SP4: variants seen among roughly 807,000 people sequenced by gnomAD.
SP4 encodes Sp4 transcription factor, also known as transcription factor Sp4.
SP4 carries 19 observed loss-of-function variants against 72.8 expected under a neutral mutation model. That is an observed-to-expected ratio of 0.26 (90% CI 0.18 to 0.38). The LOEUF is 0.38. Ranked by LOEUF, SP4 falls within the 10% of genes least tolerant of loss-of-function variation. The pLI is 1.00. For synonymous variants in SP4, 395 were observed against 333.1 expected, an observed-to-expected ratio of 1.19 and a Z score of -2.02; for missense variants, 1,008 against 926.3, an observed-to-expected ratio of 1.09 and a Z score of -1.14.
chr7:21,429,344 C>T lies in SP4; in HGVS notation c.179C>T (p.Thr60Ile). ...GCAGCTACTTGCAGCAAAATAGGGA[C>T]TCCTGGTGAAAATCAAGCAACTGGA... ...LLAATCSKIG[T>I]PGENQATGQQ... The change falls in exon 3 of 6, where the codon ACT becomes ATT. Residue 60 changes from threonine (T) to isoleucine (I), a missense_variant. This residue lies in a region of SP4 where 893 missense variants were observed against 743.3 expected (regional missense o/e 1.20). Coordinates refer to ENST00000222584, the MANE Select transcript of SP4 (RefSeq NM_003112.5). 6.2e-7 allele frequency: 1 copy of T among 1,613,376 alleles called. No homozygotes were observed. The highest frequency in any genetic ancestry group is 8.5e-7 in the Non-Finnish European group (1 of 1,179,818).
intron 3 of SP4, among the ~76,000 whole-genome samples, chr7:21,466,035 G>A (rs1270292983): frequency 3.3e-5 from 5 of 152,052 alleles, no homozygotes; most frequent in Admixed American, 1.3e-4. Context: ...CCACCTGTCA[G>A]TGGATTCATC....
intron 3 of SP4, among the ~76,000 whole-genome samples, chr7:21,463,342 A>G (rs1583410345): frequency 6.6e-6 from 1 of 152,218 alleles, no homozygotes; most frequent in South Asian, 2.1e-4. Flanking sequence ...TTGCCAGCAT[A>G]GGATGAATGA....
At chr7:21,475,667 G>A (rs1431828112) in intron 3 of SP4, among the ~76,000 whole-genome samples, 3 of 152,016 alleles carry the variant, frequency 2.0e-5, no homozygotes, top group South Asian at 2.1e-4. Context: ...GTTTCACCAT[G>A]TTAGCCAGGA....
intron 3 of SP4, among the ~76,000 whole-genome samples, chr7:21,476,144 C>G (rs963913276): frequency 6.6e-6 from 1 of 151,968 alleles, no homozygotes; most frequent in African/African-American, 2.4e-5. Context: ...CATGGTGGCA[C>G]ACGCCTGTCA....
chr7:21,460,538 T>A (rs761897241), intron 3 of SP4, among the ~76,000 whole-genome samples: 1 of 152,120 alleles, frequency 6.6e-6, no homozygotes, highest in Non-Finnish European at 1.5e-5. Flanking sequence ...GCTTCCACAG[T>A]ATGGAAGGGG....
intron 3 of SP4, among the ~76,000 whole-genome samples, chr7:21,438,051 G>A (rs370253809): frequency 5.9e-5 from 9 of 151,400 alleles, no homozygotes; most frequent in African/African-American, 1.9e-4. Context: ...TTTGGCCCTG[G>A]AAAAACATAT....
intron 3 of SP4, among the ~76,000 whole-genome samples, chr7:21,449,471 G>A (rs938015223): frequency 2.6e-5 from 4 of 152,082 alleles, no homozygotes; most frequent in African/African-American, 7.2e-5. Flanking sequence ...ATTAAATACT[G>A]TTAGATTTAA....
intron 3 of SP4, among the ~76,000 whole-genome samples, chr7:21,454,493 ATATCT>A (rs1390065026): frequency 6.6e-6 from 1 of 152,112 alleles, no homozygotes; most frequent in Non-Finnish European, 1.5e-5. Flanking sequence ...CTCATATAAA[ATATCT>A]TTTCTTTTTA....
Position 21,428,790 on chromosome 7 carries a change from C to G in SP4, c.121C>G (p.Gln41Glu), listed in dbSNP as rs1782722696. 1.3e-6 allele frequency: 2 copies of G among 1,545,970 alleles called. No homozygotes were observed. Among genetic ancestry groups the G allele is most frequent in the Non-Finnish European group, 1.7e-6 (2 of 1,145,356 alleles). The stretch of plus-strand genomic sequence containing the variant: ...TAAAAAACCCAAAACCTCAGGCTCC[C>G]AGGTAAAAGCAAACAAATTAAAAAA... ...NNKKPKTSGS[Q>E]DSQPSPLALL... is the part of the protein sequence containing the mutation. Residue 41 changes from glutamine (Q) to glutamate (E), a missense_variant and splice_region_variant, in exon 2 of 6, where the codon CAG becomes GAG. Coordinates refer to ENST00000222584, the MANE Select transcript of SP4 (RefSeq NM_003112.5).
At chr7:21,473,693 A>G (rs1583421954) in intron 3 of SP4, among the ~76,000 whole-genome samples, 1 of 152,254 alleles carries the variant, frequency 6.6e-6, no homozygotes, top group East Asian at 1.9e-4. Context: ...AATATTACAA[A>G]GGAATCAACT....
In SP4 at chr7:21,497,415, C is replaced by T. The variant is rs553915534; in HGVS notation, c.2108-13607C>T. ...CTTGCTGTTCTTACAGAAATTCAGC[C>T]ATTTTTCTTGAATAAACACTTCCAT... On this transcript the variant is annotated intron_variant, in intron 5 of 5. Coordinates refer to ENST00000222584, the MANE Select transcript of SP4 (RefSeq NM_003112.5). Among the ~76,000 whole-genome samples, 3 of 152,314 alleles carry T rather than the reference C, an allele frequency of 2.0e-5. No individual in the cohort carries two copies. The East Asian group carries it at 5.8e-4, about 29-fold the overall frequency.
intron 3 of SP4, among the ~76,000 whole-genome samples, chr7:21,442,403 C>T (rs1018776783): frequency 6.6e-6 from 1 of 152,102 alleles, no homozygotes; most frequent in South Asian, 2.1e-4. Context: ...GTTTAATTAG[C>T]AGAACTTTTT....
Position 21,429,261 on chromosome 7 carries a change from C to G in SP4, c.124-28C>G, listed in dbSNP as rs766232251. 22 of 1,301,912 alleles carry G rather than the reference C, an allele frequency of 1.7e-5. No individual in the cohort carries two copies. In the South Asian group the frequency reaches 1.9e-4, roughly 11 times the overall value. The allele number at this position is 1,301,912 out of a possible 1,614,324, so 80.6% of individuals were successfully genotyped here. ...TCCGCCCACTTTTTTTCCCCCCCCCCTCTCCTTTACCGTCCCATTTTGGGT... is the reference window on the plus strand; with the variant it reads ...TCCGCCCACTTTTTTTCCCCCCCCCGTCTCCTTTACCGTCCCATTTTGGGT... On this transcript the variant is annotated intron_variant, in intron 2 of 5. Coordinates refer to ENST00000222584, the MANE Select transcript of SP4 (RefSeq NM_003112.5).
intron 3 of SP4, among the ~76,000 whole-genome samples, chr7:21,458,774 C>T (rs192236203): frequency 6.6e-6 from 1 of 151,800 alleles, no homozygotes; most frequent in Non-Finnish European, 1.5e-5. Flanking sequence ...TAGGTGGCAC[C>T]CCCTTCCCGC....
intron 4 of SP4, among the ~76,000 whole-genome samples, chr7:21,481,286 GTAGGAATCATATTCT>G (rs1479027155): frequency 2.6e-5 from 4 of 152,194 alleles, no homozygotes; most frequent in Non-Finnish European, 5.9e-5. Context: ...GGTGGGAAGA[GTAGGAATCATATTCT>G]TAGCTGCACC....
At chr7:21,433,972 A>G (rs1487719346) in intron 3 of SP4, among the ~76,000 whole-genome samples, 2 of 152,190 alleles carry the variant, frequency 1.3e-5, no homozygotes, top group Admixed American at 6.5e-5. Context: ...AAAAAGACAC[A>G]AAGAGTGAGA....
At chr7:21,503,932 A>C (rs984829570) in intron 5 of SP4, among the ~76,000 whole-genome samples, 1 of 152,224 alleles carries the variant, frequency 6.6e-6, no homozygotes, top group African/African-American at 2.4e-5. Context: ...CCATTTGTGT[A>C]ATGTAGATAC....
At chr7:21,464,033 G>T (rs1484657528) in intron 3 of SP4, among the ~76,000 whole-genome samples, 1 of 151,634 alleles carries the variant, frequency 6.6e-6, no homozygotes, top group Non-Finnish European at 1.5e-5. Flanking sequence ...TTAGAACACA[G>T]AAAAGATTTC....
Position 21,511,074 on chromosome 7 carries a change from T to A in SP4, c.2160T>A (p.Asp720Glu). 6.2e-7 allele frequency: 1 copy of A among 1,613,968 alleles called. No individual in the cohort carries two copies. The highest frequency in any genetic ancestry group is 8.5e-7 in the Non-Finnish European group (1 of 1,179,878). The change falls in exon 6 of 6, where the codon GAT (aspartate) becomes GAA (glutamate). Residue 720 changes from aspartate (D) to glutamate (E), a missense_variant. Physicochemically the swap from Asp to Glu is conservative, Grantham distance 45. Transcript: ENST00000222584. Reference sequence around the variant, plus strand: ...GTTCTAAAAGGTTTATGCGGAGTGATCATCTCTCCAAACATGTCAAAACGC... The same window carrying A: ...GTTCTAAAAGGTTTATGCGGAGTGAACATCTCTCCAAACATGTCAAAACGC... ...PECSKRFMRSDHLSKHVKTHQ... is the reference protein window; with the variant it reads ...PECSKRFMRSEHLSKHVKTHQ...
Sources: allele counts gnomAD v4.1 joint callset (sites outside exome capture counted in the v4.1 genomes callset), GRCh38; gene constraint gnomAD v4.1.1; regional missense constraint gnomAD v4.1.1; transcripts MANE v1.5; gene names NCBI Gene and HGNC (gene_info 2026-07-23, HGNC 2026-07-21).